Variants in SRGAP1 observed in about 807,000 individuals in gnomAD.
SRGAP1 encodes SLIT-ROBO Rho GTPase activating protein 1, also known as SLIT-ROBO Rho GTPase-activating protein 1.
Under a neutral mutation model 121.9 loss-of-function variants are expected in SRGAP1, and 43 were observed. That is an observed-to-expected ratio of 0.35 (90% CI 0.28 to 0.46). The LOEUF is 0.46. SRGAP1 is among the 20% of genes least tolerant of loss of function. SRGAP1 has a pLI of 1.00. For missense variants in SRGAP1, 1,102 were observed against 1,350.9 expected (o/e 0.82, Z 2.89); for synonymous variants, 447 against 485.4 (o/e 0.92, Z 1.04).
chr12:64,158,350 T>C lies in SRGAP1; in HGVS notation c.*15678T>C, dbSNP rs2037181686. The C allele has an allele frequency of 2.0e-5, 3 of 152,236 alleles. No homozygotes were observed. The highest frequency in any genetic ancestry group is 2.9e-5 in the Non-Finnish European group (2 of 68,050). 9.4% of individuals were successfully genotyped at this position (152,236 alleles called of 1,614,324 possible). ...TGAAATACTAAAGCAACTTCATGGATTGTGATTTCAAGTATATGAAAAGTT... is the reference window on the plus strand; with the variant it reads ...TGAAATACTAAAGCAACTTCATGGACTGTGATTTCAAGTATATGAAAAGTT... On this transcript the variant is annotated 3_prime_UTR_variant, in exon 22 of 22. Transcript: ENST00000355086.
At chr12:64,055,975 T>C in intron 6 of SRGAP1, among the ~76,000 whole-genome samples, 1 of 152,140 alleles carries the variant, frequency 6.6e-6, no homozygotes, top group Admixed American at 6.6e-5. Context: ...TAACCAGATG[T>C]CTAACAGGCA....
chr12:63,874,957 T>A, intron 1 of SRGAP1, among the ~76,000 whole-genome samples: 1 of 152,214 alleles, frequency 6.6e-6, no homozygotes, highest in Non-Finnish European at 1.5e-5. Flanking sequence ...GCTCTGCTGC[T>A]CAGGCTAGAG....
At chr12:63,898,192 G>A (rs1290345720) in intron 1 of SRGAP1, among the ~76,000 whole-genome samples, 1 of 152,192 alleles carries the variant, frequency 6.6e-6, no homozygotes, top group African/African-American at 2.4e-5. Flanking sequence ...TTGCAGGGGG[G>A]ACTCCCAACA....
At chr12:64,074,818 A>T (rs1422284524) in intron 8 of SRGAP1, among the ~76,000 whole-genome samples, 1 of 152,202 alleles carries the variant, frequency 6.6e-6, no homozygotes, top group Non-Finnish European at 1.5e-5. Context: ...ATTTATGGAG[A>T]TGTAGATAAC....
intron 1 of SRGAP1, among the ~76,000 whole-genome samples, chr12:63,882,117 T>A (rs532106537): frequency 6.6e-6 from 1 of 152,342 alleles, no homozygotes; most frequent in African/African-American, 2.4e-5. Flanking sequence ...TGGCAAAAAC[T>A]GCGATTACTT....
At chr12:63,855,987 G>A (rs937131115) in intron 1 of SRGAP1, among the ~76,000 whole-genome samples, 11 of 152,052 alleles carry the variant, frequency 7.2e-5, no homozygotes, top group African/African-American at 2.4e-4. Context: ...GCTGGGCTTG[G>A]TGGCTCATGC....
chr12:63,875,868 G>A (rs1900013827), intron 1 of SRGAP1, among the ~76,000 whole-genome samples: 1 of 152,192 alleles, frequency 6.6e-6, no homozygotes, highest in Non-Finnish European at 1.5e-5. Context: ...AGGAAACTCA[G>A]CTAGAATTAC....
At chr12:63,950,961 A>G (rs1053949003) in intron 1 of SRGAP1, among the ~76,000 whole-genome samples, 1 of 142,262 alleles carries the variant, frequency 7.0e-6, no homozygotes, top group African/African-American at 2.6e-5. Flanking sequence ...ACTTGTTGCC[A>G]TGTCAGCACC....
At chr12:64,032,634 T>A (rs1393174561) in intron 4 of SRGAP1, 2 of 399,312 alleles carry the variant, frequency 5.0e-6, no homozygotes, top group Admixed American at 4.2e-5. Flanking sequence ...CTTTTTAAAT[T>A]CTGGATGACG....
At chr12:64,102,895 T>G (rs2036281369) in intron 15 of SRGAP1, among the ~76,000 whole-genome samples, 1 of 152,194 alleles carries the variant, frequency 6.6e-6, no homozygotes, top group Non-Finnish European at 1.5e-5. Context: ...TGAGGTGATC[T>G]TGTACAACTC....
In SRGAP1 at chr12:64,056,043, A is replaced by G. The variant is rs192214574; in HGVS notation, c.802-6874A>G. On this transcript the variant is annotated intron_variant, in intron 6 of 21. Transcript: ENST00000355086. ...ATTTATATCCATTCGCCCTACTGTC[A>G]TCATCCTCCACACACATAACAACAT... 1.7e-4 allele frequency among the ~76,000 whole-genome samples: 25 copies of G among 144,634 alleles called. No homozygotes were observed. The East Asian group carries it at 3.8e-3, about 22-fold the overall frequency. The allele number at this position is 144,634 out of a possible 152,430, so 94.9% of individuals were successfully genotyped here.
intron 6 of SRGAP1, among the ~76,000 whole-genome samples, chr12:64,046,470 C>T (rs2035132293): frequency 6.6e-6 from 1 of 151,742 alleles, no homozygotes; most frequent in African/African-American, 2.4e-5. Flanking sequence ...ATGATGCTGG[C>T]TTGGACTGGT....
chr12:63,907,030 G>A (rs2030246086), intron 1 of SRGAP1, among the ~76,000 whole-genome samples: 1 of 152,094 alleles, frequency 6.6e-6, no homozygotes, highest in Non-Finnish European at 1.5e-5. Context: ...TCCCACAGCA[G>A]TATGTGAGGG....
chr12:63,872,128 C>A (rs993202995), intron 1 of SRGAP1: 2 of 485,508 alleles, frequency 4.1e-6, no homozygotes, highest in South Asian at 3.3e-5. Context: ...CTCACCTAAC[C>A]GGGAGTTTTT....
intron 1 of SRGAP1, among the ~76,000 whole-genome samples, chr12:63,848,070 G>A (rs7960838): frequency 0.85 from 129,424 of 151,534 alleles, 55,803 homozygotes; most frequent in African/African-American, 0.96. Context: ...CAGTGGCGTG[G>A]TCTCGGCTCA....
chr12:64,153,707 G>A lies in SRGAP1; in HGVS notation c.*11035G>A, dbSNP rs2037141508. ...ACTGACACCCTTGTGCACTGTTGGT[G>A]GGAATGTAAAATGGTAGAGCCACTA... On this transcript the variant is annotated 3_prime_UTR_variant, in exon 22 of 22. Coordinates refer to ENST00000355086, the MANE Select transcript of SRGAP1 (RefSeq NM_020762.4). The A allele has an allele frequency of 6.6e-6, 1 of 152,116 alleles. No individual in the cohort carries two copies. The highest frequency in any genetic ancestry group is 6.6e-5 in the Admixed American group (1 of 15,266). 9.4% of individuals were successfully genotyped at this position (152,116 alleles called of 1,614,324 possible). A position where few individuals can be genotyped will look rare whatever the true frequency, so the allele number is the denominator to read the frequency against.
intron 1 of SRGAP1, among the ~76,000 whole-genome samples, chr12:63,912,769 G>A (rs2030561640): frequency 6.6e-6 from 1 of 152,120 alleles, no homozygotes; most frequent in African/African-American, 2.4e-5. Context: ...AGTTTTACAT[G>A]GTAGGGATTT....
rs113819707 is a variant in SRGAP1, at chr12:63,908,749, T to A, written c.67+63866T>A. Among the ~76,000 whole-genome samples the A allele has an allele frequency of 9.9e-3, 1,503 of 152,290 alleles. 32 individuals carry two copies. The highest frequency in any genetic ancestry group is 0.034 in the African/African-American group (1,413 of 41,546). ...CTTCGTTCTTTTTGCTGCATAATAC[T>A]GTAAATGGGATTGCTGCCTTAATTT... On this transcript the variant is annotated intron_variant, in intron 1 of 21. Coordinates refer to ENST00000355086, the MANE Select transcript of SRGAP1 (RefSeq NM_020762.4).
chr12:64,054,732 G>GT lies in SRGAP1; in HGVS notation c.802-8176dup, dbSNP rs879785051. ...CTTTTTTTGTTTTGTTTTGTTTTAA[G>GT]TTTTTTTTTCTTTTATTATTATACT... On this transcript the variant is annotated intron_variant, in intron 6 of 21. Transcript: ENST00000355086. 1.8e-4 allele frequency among the ~76,000 whole-genome samples: 26 copies of GT among 147,110 alleles called. No individual in the cohort carries two copies. In the South Asian group the frequency reaches 3.9e-3, roughly 22 times the overall value.
Sources: allele counts gnomAD v4.1 joint callset (sites outside exome capture counted in the v4.1 genomes callset), GRCh38; gene constraint gnomAD v4.1.1; transcripts MANE v1.5; gene names NCBI Gene and HGNC (gene_info 2026-07-23, HGNC 2026-07-21).